The following SPATC1L variants were observed in gnomAD, a reference collection of about 807,000 sequenced individuals.
SPATC1L encodes spermatogenesis and centriole associated 1 like.
In SPATC1L, 20 loss-of-function variants were observed where a neutral mutation model predicts 21.2. The ratio of observed to expected loss-of-function variants is 0.94; its 90% CI spans 0.66 to 1.37. SPATC1L has a LOEUF of 1.37. Among genes scored for constraint, SPATC1L ranks in the 40% most tolerant of loss-of-function variants. The probability of loss-of-function intolerance (pLI) is 0.00; values close to 1 mark genes in which losing one functional copy is unlikely to be tolerated. For missense variants in SPATC1L, 499 were observed against 478.7 expected, an observed-to-expected ratio of 1.04 and a Z score of -0.40; for synonymous variants, 290 against 234.5, an observed-to-expected ratio of 1.24 and a Z score of -2.16.
rs1306911190 is a variant in SPATC1L at position 46,161,328 on chromosome 21, G to A, written c.*51C>T. The A allele has an allele frequency of 3.0e-5, 44 of 1,443,528 alleles. No homozygotes were observed. The highest frequency in any genetic ancestry group is 3.6e-5 in the Non-Finnish European group (40 of 1,100,662). The allele number at this position is 1,443,528 out of a possible 1,614,324, so 89.4% of individuals were successfully genotyped here. ...GACGCGCAGGAGGCACCGCGGCCCC[G>A]GGTTGGAACAAACGCGTTTACTGCA... On this transcript the variant is annotated 3_prime_UTR_variant, in exon 5 of 5. Transcript: ENST00000291672.
chr21:46,164,741 G>A (rs1203711427), intron 3 of SPATC1L, among the ~76,000 whole-genome samples: 6 of 146,256 alleles, frequency 4.1e-5, no homozygotes, highest in Non-Finnish European at 7.4e-5. Flanking sequence ...GCAGTGAGCC[G>A]AGATCGCACC....
intron 3 of SPATC1L, among the ~76,000 whole-genome samples, chr21:46,167,930 A>G (rs1480607913): frequency 1.3e-5 from 2 of 152,222 alleles, no homozygotes; most frequent in Non-Finnish European, 2.9e-5. Context: ...CATAAAATAC[A>G]AAAGAAAAAT....
At chr21:46,167,181 A>C (rs545140091) in intron 3 of SPATC1L, among the ~76,000 whole-genome samples, 10 of 152,360 alleles carry the variant, frequency 6.6e-5, no homozygotes, top group Non-Finnish European at 1.5e-4. Context: ...CCAGTGCATC[A>C]GTGAAGAAAT....
intron 3 of SPATC1L, among the ~76,000 whole-genome samples, chr21:46,162,755 T>G (rs1335945763): frequency 6.6e-6 from 1 of 151,882 alleles, no homozygotes; most frequent in African/African-American, 2.4e-5. Context: ...CCAGCCAAGT[T>G]TTTGTATTTT....
At chr21:46,173,404 C>T (rs1487839448) in intron 2 of SPATC1L, among the ~76,000 whole-genome samples, 2 of 152,272 alleles carry the variant, frequency 1.3e-5, no homozygotes, top group East Asian at 3.9e-4. Context: ...TGTAGCTTCC[C>T]CTGGGCCCAG....
At chr21:46,176,609 A>G (rs1489374509) in intron 2 of SPATC1L, among the ~76,000 whole-genome samples, 2 of 152,214 alleles carry the variant, frequency 1.3e-5, no homozygotes, top group Admixed American at 6.5e-5. Flanking sequence ...GAGAACTACA[A>G]AACACTGCTC....
intron 2 of SPATC1L, among the ~76,000 whole-genome samples, chr21:46,182,129 A>G (rs1410361765): frequency 6.6e-6 from 1 of 152,086 alleles, no homozygotes; most frequent in East Asian, 1.9e-4. Flanking sequence ...AGGCCTCCCC[A>G]GGGTGGGACC....
At chr21:46,164,269 T>G (rs956750670) in intron 3 of SPATC1L, among the ~76,000 whole-genome samples, 6 of 152,174 alleles carry the variant, frequency 3.9e-5, no homozygotes, top group South Asian at 2.1e-4. Context: ...CATCTCAGCC[T>G]TCCAAAATGT....
intron 3 of SPATC1L, among the ~76,000 whole-genome samples, chr21:46,162,590 CT>C (rs3057184): frequency 1.2e-4 from 16 of 133,400 alleles, no homozygotes; most frequent in Middle Eastern, 4.1e-3. Flanking sequence ...GTTGGCAGGA[CT>C]TTTTTTTTTT....
At chr21:46,168,268 C>T (rs1401780432) in intron 3 of SPATC1L, 40 bp downstream of exon 3, 2 of 1,458,692 alleles carry the variant, frequency 1.4e-6, no homozygotes, top group East Asian at 2.3e-5. Flanking sequence ...TGCCAGCCTG[C>T]ACTGGGGGCC....
chr21:46,168,451 G>C lies in SPATC1L; in HGVS notation c.401C>G (p.Ser134Cys), dbSNP rs73908565. The C allele has an allele frequency of 6.2e-7, 1 of 1,604,494 alleles. No individual in the cohort carries two copies. The highest frequency in any genetic ancestry group is 1.1e-5 in the South Asian group (1 of 89,518). Reference protein sequence around the residue: ...HSHRGTDRKLSPLLSPLQDSL... With the variant: ...HSHRGTDRKLCPLLSPLQDSL... Reference sequence around the variant, plus strand: ...GTCTTGCAAGGGGCTCAGGAGCGGGGACAGCTTCCTGTCGGTGCCTCGGTG... The same window carrying C: ...GTCTTGCAAGGGGCTCAGGAGCGGGCACAGCTTCCTGTCGGTGCCTCGGTG... Residue 134 changes from serine (S) to cysteine (C), a missense_variant, in exon 3 of 5, where the codon TCC (serine) becomes TGC (cysteine). Physicochemically the swap from Ser to Cys is moderately radical, Grantham distance 112. Transcript: ENST00000291672.
At chr21:46,166,872 A>C (rs1197626057) in intron 3 of SPATC1L, among the ~76,000 whole-genome samples, 2 of 152,228 alleles carry the variant, frequency 1.3e-5, no homozygotes, top group East Asian at 3.8e-4. Flanking sequence ...CAGATCTTTA[A>C]GACAGAAAAT....
chr21:46,161,334 G>A lies in SPATC1L; in HGVS notation c.*45C>T. 2 of 1,463,930 alleles carry A rather than the reference G, an allele frequency of 1.4e-6. No individual in the cohort carries two copies. Among genetic ancestry groups the A allele is most frequent in the Non-Finnish European group, 1.8e-6 (2 of 1,111,976 alleles). 90.7% of individuals were successfully genotyped at this position (1,463,930 alleles called of 1,614,324 possible). A position where few individuals can be genotyped will look rare whatever the true frequency, so the allele number is the denominator to read the frequency against. ...CAGGAGGCACCGCGGCCCCGGGTTGGAACAAACGCGTTTACTGCAGGCAAG... is the reference window on the plus strand; with the variant it reads ...CAGGAGGCACCGCGGCCCCGGGTTGAAACAAACGCGTTTACTGCAGGCAAG... On this transcript the variant is annotated 3_prime_UTR_variant, in exon 5 of 5. Transcript: ENST00000291672.
intron 3 of SPATC1L, 55 bp downstream of exon 3, chr21:46,168,253 A>G: frequency 7.7e-7 from 1 of 1,307,044 alleles, no homozygotes. Flanking sequence ...TGCCCTCCCC[A>G]CAGCTGCCAG....
At chr21:46,161,769 C>A in intron 4 of SPATC1L, 64 bp from the exon 5 acceptor site, 1 of 1,493,768 alleles carries the variant, frequency 6.7e-7, no homozygotes, top group Non-Finnish European at 8.9e-7. Flanking sequence ...ACTTCCAGGC[C>A]CAGGGCCGAT....
chr21:46,182,106 G>A (rs779106386), intron 2 of SPATC1L, among the ~76,000 whole-genome samples: 17 of 152,166 alleles, frequency 1.1e-4, no homozygotes, highest in Non-Finnish European at 2.1e-4. Context: ...TGCTCCCCTG[G>A]CCGGTGGCTC....
chr21:46,178,556 C>G (rs1174350563), intron 2 of SPATC1L, among the ~76,000 whole-genome samples: 1 of 152,110 alleles, frequency 6.6e-6, no homozygotes, highest in East Asian at 1.9e-4. Context: ...ATGTAATAAG[C>G]CTGCACTTGT....
At chr21:46,182,594 C>G (rs1351692142) in intron 2 of SPATC1L, 30 bp downstream of exon 2, 7 of 1,433,722 alleles carry the variant, frequency 4.9e-6, no homozygotes, top group Non-Finnish European at 5.5e-6. Flanking sequence ...CCCTCATCTA[C>G]CAGGCCATCT....
chr21:46,182,636 G>A lies in SPATC1L; in HGVS notation c.181C>T (p.Pro61Ser). ...GGCGGCGCCTCACCTCCGCTCCCGGGGGAGCCGGCCTCAGGGTAGGCATGC... is the reference window on the plus strand; with the variant it reads ...GGCGGCGCCTCACCTCCGCTCCCGGAGGAGCCGGCCTCAGGGTAGGCATGC... ...RAHAYPEAGS[P>S]GSGVPDFGRF... The change falls in exon 2 of 5, where the codon CCC becomes TCC. Residue 61 changes from proline (P) to serine (S), a missense_variant. Pro to Ser is a moderately conservative substitution (Grantham distance 74). Coordinates refer to ENST00000291672, the MANE Select transcript of SPATC1L (RefSeq NM_001142854.2). 1 of 1,515,914 alleles carries A rather than the reference G, an allele frequency of 6.6e-7. No individual in the cohort carries two copies. The highest frequency in any genetic ancestry group is 8.8e-7 in the Non-Finnish European group (1 of 1,132,714). 93.9% of individuals were successfully genotyped at this position (1,515,914 alleles called of 1,614,324 possible). A position where few individuals can be genotyped will look rare whatever the true frequency, so the allele number is the denominator to read the frequency against.
Sources: gnomAD v4.1 joint callset for allele counts (sites outside exome capture counted in the v4.1 genomes callset) on GRCh38, gnomAD v4.1.1 for gene constraint, MANE v1.5 for transcripts, NCBI Gene and HGNC (gene_info 2026-07-23, HGNC 2026-07-21) for gene names.